Variants in LBHD2 observed in about 807,000 individuals in gnomAD.
The protein encoded by LBHD2 is LBH domain-containing protein 2.
chr14:103,088,337 C>T (rs1002602992), intron 3 of LBHD2, 96 bp downstream of exon 3: 1 of 398,176 alleles, frequency 2.5e-6, no homozygotes, highest in Non-Finnish European at 4.4e-6. Flanking sequence ...GCAAGCAAGG[C>T]CTTCCCGCCT....
chr14:103,086,763 TGCTAGAGCCCA>T (rs904182072), intron 2 of LBHD2, among the ~76,000 whole-genome samples: 5 of 150,288 alleles, frequency 3.3e-5, no homozygotes, highest in East Asian at 3.9e-4. Context: ...GTATTCTGAG[TGCTAGAGCCCA>T]GCTAGAGCCC....
At chr14:103,085,337 G>C (rs1339901217) in intron 1 of LBHD2, among the ~76,000 whole-genome samples, 2 of 152,222 alleles carry the variant, frequency 1.3e-5, no homozygotes, top group Non-Finnish European at 2.9e-5. Context: ...CCCGAGCGCA[G>C]GTGAAGGGTC....
At chr14:103,089,396 C>T (rs552697414) in intron 3 of LBHD2, among the ~76,000 whole-genome samples, 42 of 152,284 alleles carry the variant, frequency 2.8e-4, no homozygotes, top group African/African-American at 9.1e-4. Flanking sequence ...AGGACAGCAT[C>T]AGGGACCACC....
Position 103,088,254 on chromosome 14 carries a change from G to C in LBHD2, c.226+13G>C, listed in dbSNP as rs1238334265. Reference sequence around the variant, plus strand: ...CGGGCTGCTGCTGGTAAGTGAGGGTGCCTGTGGGGGTGCTGAGAGGAGGAA... The same window carrying C: ...CGGGCTGCTGCTGGTAAGTGAGGGTCCCTGTGGGGGTGCTGAGAGGAGGAA... On this transcript the variant is annotated intron_variant, in intron 3 of 3. Transcript: ENST00000634353. 2 of 398,932 alleles carry C rather than the reference G, an allele frequency of 5.0e-6. No individual in the cohort carries two copies. The highest frequency in any genetic ancestry group is 8.8e-6 in the Non-Finnish European group (2 of 226,334). The allele number at this position is 398,932 out of a possible 1,614,324, so 24.7% of individuals were successfully genotyped here. A position where few individuals can be genotyped will look rare whatever the true frequency, so the allele number is the denominator to read the frequency against.
At chr14:103,086,315 A>G (rs959761697) in intron 2 of LBHD2, among the ~76,000 whole-genome samples, 8 of 152,234 alleles carry the variant, frequency 5.3e-5, no homozygotes, top group African/African-American at 1.7e-4. Context: ...GGGTTCAAGC[A>G]ATTCTCCTGC....
At position 103,089,879 on chromosome 14, in the gene LBHD2, G is replaced by A. The variant is rs866093942; in HGVS notation, c.*82G>A. 3.3e-5 allele frequency: 13 copies of A among 397,988 alleles called. No individual in the cohort carries two copies. The highest frequency in any genetic ancestry group is 6.3e-4 in the Middle Eastern group (1 of 1,588). 24.7% of individuals were successfully genotyped at this position (397,988 alleles called of 1,614,324 possible). ...GGCCGGGCTGATGCACAGGAGGGCCGGGCCTGCCCAGCCTGGAAAGCCCAG... is the reference window on the plus strand; with the variant it reads ...GGCCGGGCTGATGCACAGGAGGGCCAGGCCTGCCCAGCCTGGAAAGCCCAG... On this transcript the variant is annotated 3_prime_UTR_variant, in exon 4 of 4. Transcript: ENST00000634353.
At chr14:103,084,719 C>G (rs1196089065) in intron 1 of LBHD2, among the ~76,000 whole-genome samples, 1 of 151,868 alleles carries the variant, frequency 6.6e-6, no homozygotes, top group Non-Finnish European at 1.5e-5. Context: ...GTTTCTGTCT[C>G]TCTCTCTCTC....
chr14:103,089,674 C>T (rs746079557), intron 3 of LBHD2, 23 bp from the exon 4 acceptor site: 34 of 398,564 alleles, frequency 8.5e-5, no homozygotes, highest in African/African-American at 2.5e-4. Context: ...CCGACCAACA[C>T]GGCCGCCTTT....
At chr14:103,089,318 G>A (rs532709683) in intron 3 of LBHD2, among the ~76,000 whole-genome samples, 30 of 152,300 alleles carry the variant, frequency 2.0e-4, no homozygotes, top group South Asian at 8.3e-4. Flanking sequence ...TGGCCAGAGG[G>A]GTTATCTGTC....
chr14:103,086,150 A>ATGCCT (rs1404609460), intron 2 of LBHD2, 69 bp downstream of exon 2: 2 of 398,392 alleles, frequency 5.0e-6, no homozygotes, highest in Admixed American at 4.4e-5. Context: ...GACTTGGGGC[A>ATGCCT]TGCCTTGCCT....
intron 3 of LBHD2, 23 bp downstream of exon 3, chr14:103,088,264 G>C (rs1278307217): frequency 2.5e-6 from 1 of 398,876 alleles, no homozygotes; most frequent in African/African-American, 2.1e-5. Context: ...GCCTGTGGGG[G>C]TGCTGAGAGG....
intron 2 of LBHD2, among the ~76,000 whole-genome samples, chr14:103,087,578 T>C (rs557617561): frequency 1.0e-3 from 157 of 152,294 alleles, no homozygotes; most frequent in African/African-American, 3.6e-3. Context: ...CGCAGGCTCC[T>C]GTGGGCACTG....
intron 2 of LBHD2, among the ~76,000 whole-genome samples, chr14:103,086,315 A>C (rs959761697): frequency 1.3e-5 from 2 of 152,116 alleles, no homozygotes; most frequent in African/African-American, 4.8e-5. Flanking sequence ...GGGTTCAAGC[A>C]ATTCTCCTGC....
intron 1 of LBHD2, among the ~76,000 whole-genome samples, chr14:103,085,445 C>T (rs117441718): frequency 0.016 from 754 of 48,624 alleles, 11 homozygotes; most frequent in Non-Finnish European, 0.024. Context: ...TGAGTGGGTG[C>T]GGCCAAGTGC....
chr14:103,089,354 C>A (rs1034105659), intron 3 of LBHD2, among the ~76,000 whole-genome samples: 2 of 152,222 alleles, frequency 1.3e-5, no homozygotes, highest in African/African-American at 2.4e-5. Flanking sequence ...CACCTCTGCC[C>A]AAAGCCTCTT....
intron 2 of LBHD2, among the ~76,000 whole-genome samples, chr14:103,086,832 C>T (rs576160414): frequency 3.3e-4 from 50 of 152,316 alleles, no homozygotes; most frequent in Middle Eastern, 6.8e-3. Context: ...GGGGGACCAG[C>T]CTGGAGTCAT....
At chr14:103,089,359 C>T (rs1889679190) in intron 3 of LBHD2, among the ~76,000 whole-genome samples, 1 of 152,190 alleles carries the variant, frequency 6.6e-6, no homozygotes, top group African/African-American at 2.4e-5. Context: ...CTGCCCAAAG[C>T]CTCTTGTCAG....
chr14:103,088,204 T>C lies in LBHD2; in HGVS notation c.189T>C (p.Ser63=). ...ESGELRWPLE[S]AQRGPSQSRA... ...GGGAGCTGCGCTGGCCCCTGGAGAG[T>C]GCCCAGAGGGGCCCCTCTCAGAGCC... is the stretch of plus-strand genomic sequence containing the variant. Residue 63 remains serine, a synonymous_variant, in exon 3 of 4, where the codon AGT becomes AGC. Transcript: ENST00000634353. The C allele has an allele frequency of 7.5e-6, 3 of 398,398 alleles. No homozygotes were observed. Among genetic ancestry groups the C allele is most frequent in the Non-Finnish European group, 1.3e-5 (3 of 226,060 alleles). The allele number at this position is 398,398 out of a possible 1,614,324, so 24.7% of individuals were successfully genotyped here.
In LBHD2 at chr14:103,089,984, C is replaced by A. The variant is rs2139448050; in HGVS notation, c.*187C>A. On this transcript the variant is annotated 3_prime_UTR_variant, in exon 4 of 4. Transcript: ENST00000634353. ...TGGCCCAGGTCTGGATCACACCCCG[C>A]TTTGTTCCGTGGTTTGAAGCAGAAA... The A allele has an allele frequency of 2.5e-6, 1 of 396,338 alleles. No individual in the cohort carries two copies. The highest frequency in any genetic ancestry group is 4.4e-6 in the Non-Finnish European group (1 of 225,104). The allele number at this position is 396,338 out of a possible 1,614,324, so 24.6% of individuals were successfully genotyped here. A position where few individuals can be genotyped will look rare whatever the true frequency, so the allele number is the denominator to read the frequency against.
Sources: allele counts gnomAD v4.1 joint callset (sites outside exome capture counted in the v4.1 genomes callset), GRCh38; gene constraint gnomAD v4.1.1; transcripts MANE v1.5; gene names NCBI Gene and HGNC (gene_info 2026-07-23, HGNC 2026-07-21).